The following CDH26 variants were observed in gnomAD, a reference collection of about 807,000 sequenced individuals.
The protein encoded by CDH26 is cadherin-like protein 26.
Under a neutral mutation model 90.3 loss-of-function variants are expected in CDH26, and 83 were observed. That is an observed-to-expected ratio of 0.92 (90% CI 0.77 to 1.10). CDH26 has a LOEUF of 1.10. Among genes scored for constraint, CDH26 ranks in the 50% least tolerant of loss-of-function variants. The probability of loss-of-function intolerance (pLI) is 0.00; values close to 1 mark genes in which losing one functional copy is unlikely to be tolerated. For missense variants in CDH26, 1,013 were observed against 1,037.6 expected (o/e 0.98, Z 0.33); for synonymous variants, 397 against 396.3 (o/e 1.00, Z -0.02).
chr20:60,006,565 G>A (rs569124390), intron 16 of CDH26, 148 bp from the exon 17 acceptor site: 6 of 603,730 alleles, frequency 9.9e-6, no homozygotes, highest in South Asian at 2.0e-5. Context: ...GAGAGGAAAC[G>A]TGAGCAAACT....
chr20:59,987,694 C>A, intron 8 of CDH26, 56 bp downstream of exon 8: 2 of 1,452,712 alleles, frequency 1.4e-6, no homozygotes, highest in Non-Finnish European at 9.4e-7. Flanking sequence ...GAGGCCTCTT[C>A]TGTAGGATCA....
chr20:60,022,774 G>A (rs2061968051), intron 7 of CDH26, among the ~76,000 whole-genome samples: 1 of 151,906 alleles, frequency 6.6e-6, no homozygotes, highest in Non-Finnish European at 1.5e-5. Flanking sequence ...CTATGAAGAA[G>A]GAGAAGGATA....
rs1359780481 is a variant in CDH26, at chr20:59,984,655, G to A, written c.558G>A (p.Gln186=). The A allele has an allele frequency of 6.2e-7, 1 of 1,609,988 alleles. No individual in the cohort carries two copies. The highest frequency in any genetic ancestry group is 1.1e-5 in the South Asian group (1 of 89,932). ...ENQSAGQPIF[Q]MLAVDLDEEN... ...TCTTTCTAGGGCAACCTATTTTTCA[G>A]ATGTTAGCAGTCGATTTGGATGAAG... The change falls in exon 6 of 18, where the codon CAG becomes CAA. Residue 186 remains glutamine (Q), a synonymous_variant. Transcript: ENST00000348616.
chr20:59,982,332 C>CT (rs1290507293), intron 4 of CDH26, among the ~76,000 whole-genome samples: 3 of 152,058 alleles, frequency 2.0e-5, no homozygotes, highest in African/African-American at 7.2e-5. Flanking sequence ...ATTATGATGT[C>CT]TTTTTAAAAT....
intron 8 of CDH26, among the ~76,000 whole-genome samples, chr20:60,032,810 G>A (rs2062050722): frequency 7.3e-6 from 1 of 137,032 alleles, no homozygotes; most frequent in South Asian, 2.3e-4. Context: ...AGAACACATG[G>A]ACACAGGAAG....
At position 59,989,018 on chromosome 20, in the gene CDH26, A is replaced by AGCGCCACTGTGAGTGT. The variant is rs2061493480; in HGVS notation, c.1141_1156dup (p.Gln386ArgfsTer25). 5.0e-6 allele frequency: 8 copies of AGCGCCACTGTGAGTGT among 1,614,218 alleles called. No homozygotes were observed. The highest frequency in any genetic ancestry group is 4.2e-6 in the Non-Finnish European group (5 of 1,180,034). On this transcript the variant is annotated frameshift_variant, in exon 9 of 18. Coordinates refer to ENST00000348616, the MANE Select transcript of CDH26 (RefSeq NM_177980.4). LOFTEE classifies it high-confidence loss of function. ...TCAGCCGCCAAGGAAGGCAGCAGCC[A>AGCGCCACTGTGAGTGT]GCGCCACTGTGAGTGTGCAGGTGAC...
chr20:60,007,914 A>G, intron 17 of CDH26, among the ~76,000 whole-genome samples: 1 of 152,186 alleles, frequency 6.6e-6, no homozygotes, highest in East Asian at 1.9e-4. Context: ...GATTTTGGGT[A>G]CATCCTGAAA....
At chr20:59,971,920 C>T in intron 3 of CDH26, 42 bp from the exon 4 acceptor site, 1 of 1,546,600 alleles carries the variant, frequency 6.5e-7, no homozygotes, top group African/African-American at 1.4e-5. Flanking sequence ...GTGGCTTATT[C>T]TCATCCTCCT....
At chr20:59,987,897 G>T (rs1214912993) in intron 8 of CDH26, among the ~76,000 whole-genome samples, 1 of 152,076 alleles carries the variant, frequency 6.6e-6, no homozygotes, top group African/African-American at 2.4e-5. Context: ...TTAATTTTTT[G>T]TTGTTGTAGG....
intron 11 of CDH26, 142 bp downstream of exon 11, chr20:59,994,631 G>A: frequency 2.1e-6 from 2 of 931,506 alleles, no homozygotes; most frequent in Non-Finnish European, 3.1e-6. Flanking sequence ...GGTGCTCAAA[G>A]GATATCCCTG....
Position 59,987,505 on chromosome 20 carries a change from T to C in CDH26, c.890T>C (p.Leu297Pro), listed in dbSNP as rs1210040707. Reference protein sequence around the residue: ...GRASQGVLRLLVQDRDSPFTS... With the variant: ...GRASQGVLRLPVQDRDSPFTS... ...GCCAGCCAGGGCGTGTTGCGTCTCC[T>C]GGTTCAAGATCGAGATTCTCCATTT... is the stretch of plus-strand genomic sequence containing the variant. Residue 297 changes from leucine (L) to proline (P), a missense_variant, in exon 8 of 18, where the codon CTG becomes CCG. Leu to Pro is a moderately conservative substitution (Grantham distance 98). Transcript: ENST00000348616. 1 of 1,613,960 alleles carries C rather than the reference T, an allele frequency of 6.2e-7. No individual in the cohort carries two copies. The highest frequency in any genetic ancestry group is 1.7e-5 in the Admixed American group (1 of 59,960).
At chr20:60,033,643 A>G in exon 9 of CDH26, 1 of 1,304,750 alleles carries the variant, frequency 7.7e-7, no homozygotes, top group Non-Finnish European at 1.0e-6. Context: ...GAGAATCGGC[A>G]GGTGGTCACA....
At position 60,012,695 on chromosome 20, in the gene CDH26, G is replaced by C. The variant is rs1206847877; in HGVS notation, c.2464G>C (p.Glu822Gln). The C allele has an allele frequency of 4.3e-6, 7 of 1,613,916 alleles. No individual in the cohort carries two copies. In the Middle Eastern group the frequency reaches 6.6e-4, roughly 152 times the overall value. The change falls in exon 18 of 18, where the codon GAG becomes CAG. Residue 822 changes from glutamate to glutamine, a missense_variant. By Grantham distance (29) the Glu-to-Gln change is conservative. Coordinates refer to ENST00000348616, the MANE Select transcript of CDH26 (RefSeq NM_177980.4). ...DSLGSKATPF[E>Q]EIYSESGVPS The stretch of plus-strand genomic sequence containing the variant: ...TTTGGGTTCAAAAGCGACTCCGTTT[G>C]AGGAAATATATTCAGAGTCAGGTGT...
intron 4 of CDH26, among the ~76,000 whole-genome samples, chr20:59,974,555 G>C (rs757317249): frequency 2.4e-4 from 37 of 152,154 alleles, no homozygotes; most frequent in Non-Finnish European, 4.1e-4. Flanking sequence ...GTGACAGTGT[G>C]GGGTGGGGGG....
chr20:60,031,629 G>C (rs1451383046), intron 8 of CDH26, among the ~76,000 whole-genome samples: 1 of 152,198 alleles, frequency 6.6e-6, no homozygotes, highest in African/African-American at 2.4e-5. Context: ...GATGTATTTT[G>C]TTGTATTTTG....
At position 60,006,740 on chromosome 20, in the gene CDH26, C is replaced by T. The variant is rs777726326; in HGVS notation, c.2248C>T (p.Gln750Ter). ...PAYPDATMHR[Q>*]LLAPVEGRMA... is the part of the protein sequence containing the mutation. Reference sequence around the variant, plus strand: ...TTACCCAGATGCCACAATGCACAGACAACTCCTGGCTCCGGTGGAAGGAAG... The same window carrying T: ...TTACCCAGATGCCACAATGCACAGATAACTCCTGGCTCCGGTGGAAGGAAG... The change falls in exon 17 of 18, where the codon CAA (glutamine) becomes TAA (stop). Residue 750 changes from glutamine to a stop codon, truncating the protein, a stop_gained. Transcript: ENST00000348616. LOFTEE classifies it low-confidence loss of function (END_TRUNC). 3 of 1,613,986 alleles carry T rather than the reference C, an allele frequency of 1.9e-6. No individual in the cohort carries two copies. Among genetic ancestry groups the T allele is most frequent in the Non-Finnish European group, 2.5e-6 (3 of 1,179,976 alleles).
At chr20:60,007,335 C>T (rs138534037) in intron 17 of CDH26, among the ~76,000 whole-genome samples, 14 of 152,318 alleles carry the variant, frequency 9.2e-5, no homozygotes, top group African/African-American at 3.4e-4. Context: ...TGACACAGCA[C>T]AGGCAAGCCC....
At chr20:59,958,864 C>T (rs1403926353) in intron 1 of CDH26, 69 bp downstream of exon 1, 2 of 1,502,380 alleles carry the variant, frequency 1.3e-6, no homozygotes, top group East Asian at 2.4e-5. Flanking sequence ...TGGCCCTGCC[C>T]CTTCTAGGCT....
At chr20:60,028,591 A>T (rs1290172579) in intron 7 of CDH26, among the ~76,000 whole-genome samples, 1 of 152,236 alleles carries the variant, frequency 6.6e-6, no homozygotes, top group Non-Finnish European at 1.5e-5. Flanking sequence ...GGCAGGAGAC[A>T]TTCAGAGGGA....
Sources: allele counts gnomAD v4.1 joint callset (sites outside exome capture counted in the v4.1 genomes callset), GRCh38; gene constraint gnomAD v4.1.1; transcripts MANE v1.5; gene names NCBI Gene and HGNC (gene_info 2026-07-23, HGNC 2026-07-21).